Variants in MRTFA observed in about 807,000 individuals in gnomAD.
MRTFA encodes myocardin-related transcription factor A.
Under a neutral mutation model 83.5 loss-of-function variants are expected in MRTFA, and 20 were observed. The ratio of observed to expected loss-of-function variants is 0.24; its 90% CI spans 0.17 to 0.35. The LOEUF (loss-of-function observed/expected upper bound fraction) is 0.35. Ranked by LOEUF, MRTFA falls within the 10% of genes least tolerant of loss-of-function variation. MRTFA has a pLI of 1.00. For missense variants in MRTFA, 1,200 were observed against 1,224.7 expected (o/e 0.98, Z 0.30); for synonymous variants, 659 against 541.2 (o/e 1.22, Z -3.02).
At chr22:40,516,109 T>C (rs1268874906) in intron 3 of MRTFA, among the ~76,000 whole-genome samples, 1 of 152,036 alleles carries the variant, frequency 6.6e-6, no homozygotes, top group South Asian at 2.1e-4. Context: ...TTAGCTGATA[T>C]AAAACTCAGC....
In MRTFA at chr22:40,411,350, G is replaced by T; in HGVS notation, c.*40C>A. The T allele has an allele frequency of 6.6e-7, 1 of 1,524,466 alleles. No homozygotes were observed. Among genetic ancestry groups the T allele is most frequent in the East Asian group, 2.3e-5 (1 of 43,746 alleles). 94.4% of individuals were successfully genotyped at this position (1,524,466 alleles called of 1,614,324 possible). A position where few individuals can be genotyped will look rare whatever the true frequency, so the allele number is the denominator to read the frequency against. ...GGAGAGCCACGCATTGGAGTACCCT[G>T]GCTCCCAGCCCCTTCCCCACCCCGT... On this transcript the variant is annotated 3_prime_UTR_variant, in exon 15 of 15. Coordinates refer to ENST00000355630, the MANE Select transcript of MRTFA (RefSeq NM_020831.6).
At chr22:40,542,528 G>A (rs1421613500) in intron 3 of MRTFA, among the ~76,000 whole-genome samples, 5 of 152,090 alleles carry the variant, frequency 3.3e-5, no homozygotes, top group Non-Finnish European at 7.4e-5. Context: ...AGCACACAGT[G>A]CTAAGTGCTA....
chr22:40,602,070 G>A (rs765168775), intron 1 of MRTFA, among the ~76,000 whole-genome samples: 18 of 152,138 alleles, frequency 1.2e-4, no homozygotes, highest in African/African-American at 3.9e-4. Flanking sequence ...CCCAAAACAA[G>A]AGAATGGTCC....
intron 2 of MRTFA, among the ~76,000 whole-genome samples, chr22:40,570,574 T>TAA (rs2055774518): frequency 1.3e-5 from 1 of 74,122 alleles, no homozygotes; most frequent in African/African-American, 5.2e-5. Context: ...CGAGACTCTG[T>TAA]CTCAAAAAAA....
At chr22:40,586,876 TG>T in intron 2 of MRTFA, 1 of 416,400 alleles carries the variant, frequency 2.4e-6, no homozygotes. Context: ...TCATCTGATT[TG>T]GCCTCTAGTG....
chr22:40,626,866 A>AAC (rs141945541), intron 1 of MRTFA, among the ~76,000 whole-genome samples: 35,842 of 144,872 alleles, frequency 0.25, 4,323 homozygotes, highest in African/African-American at 0.29. Flanking sequence ...CCCTGTCTCA[A>AAC]ACACACACAC....
At chr22:40,546,682 T>C (rs759647530) in intron 3 of MRTFA, among the ~76,000 whole-genome samples, 5 of 152,190 alleles carry the variant, frequency 3.3e-5, no homozygotes, top group Non-Finnish European at 7.3e-5. Context: ...AAGGGAAAGT[T>C]AGAGTTGCTG....
intron 5 of MRTFA, among the ~76,000 whole-genome samples, chr22:40,431,916 A>G (rs2053076396): frequency 6.6e-6 from 1 of 152,200 alleles, no homozygotes; most frequent in Non-Finnish European, 1.5e-5. Flanking sequence ...CAGCGCTGTA[A>G]TCACACTGAA....
chr22:40,459,822 C>CATATACATAT (rs1555973786), intron 4 of MRTFA, among the ~76,000 whole-genome samples: 41 of 68,248 alleles, frequency 6.0e-4, no homozygotes, highest in African/African-American at 2.6e-3. Flanking sequence ...CACACACACA[C>CATATACATAT]ATATATACAT....
chr22:40,586,944 A>G (rs1602465070), intron 2 of MRTFA: 3 of 445,072 alleles, frequency 6.7e-6, no homozygotes, highest in South Asian at 1.6e-5. Flanking sequence ...TGCTGCTGCC[A>G]CCGCCGCCGC....
At chr22:40,483,482 A>G (rs1266009457) in intron 3 of MRTFA, among the ~76,000 whole-genome samples, 3 of 151,372 alleles carry the variant, frequency 2.0e-5, no homozygotes, top group Non-Finnish European at 4.4e-5. Context: ...TCAGGAGATC[A>G]AGACCAACCT....
rs147948625 is a variant in MRTFA, at chr22:40,440,944, T to C, written c.308-5390A>G. On this transcript the variant is annotated intron_variant, in intron 4 of 14. Transcript: ENST00000355630. The stretch of plus-strand genomic sequence containing the variant: ...TGTGTGTCCAACTACGAGGGCTGCA[T>C]TCATCTTAGACTCCATCTCCCCTCT... Among the ~76,000 whole-genome samples, 411 of 152,302 alleles carry C rather than the reference T, an allele frequency of 2.7e-3. 3 individuals carry two copies. Among genetic ancestry groups the C allele is most frequent in the African/African-American group, 9.5e-3 (394 of 41,560 alleles).
intron 2 of MRTFA, among the ~76,000 whole-genome samples, chr22:40,589,993 G>A (rs147201274): frequency 0.018 from 2,757 of 149,604 alleles, 90 homozygotes; most frequent in African/African-American, 0.066. Context: ...CTGCACTCCA[G>A]CCTGGGAGAC....
chr22:40,617,149 GGAAGGAA>G, intron 1 of MRTFA, among the ~76,000 whole-genome samples: 3 of 113,630 alleles, frequency 2.6e-5, no homozygotes, highest in South Asian at 3.3e-4. Context: ...AGAGAAGGAA[GGAAGGAA>G]GGAAGGAGGG....
chr22:40,555,924 C>G (rs1446755855), intron 2 of MRTFA, among the ~76,000 whole-genome samples: 1 of 152,114 alleles, frequency 6.6e-6, no homozygotes, highest in Non-Finnish European at 1.5e-5. Flanking sequence ...CAGGCGTGAG[C>G]CACCATGCCC....
chr22:40,528,563 C>T (rs980321976), intron 3 of MRTFA, among the ~76,000 whole-genome samples: 46 of 151,782 alleles, frequency 3.0e-4, no homozygotes, highest in Non-Finnish European at 5.9e-5. Context: ...CATGGAGAAA[C>T]CCCGTCTCTA....
chr22:40,419,378 C>T lies in MRTFA; in HGVS notation c.1360G>A (p.Glu454Lys). 1 of 1,613,396 alleles carries T rather than the reference C, an allele frequency of 6.2e-7. No individual in the cohort carries two copies. The highest frequency in any genetic ancestry group is 8.5e-7 in the Non-Finnish European group (1 of 1,179,972). The change falls in exon 12 of 15, where the codon GAG becomes AAG. Residue 454 changes from glutamate to lysine, a missense_variant. Coordinates refer to ENST00000355630, the MANE Select transcript of MRTFA (RefSeq NM_020831.6). ...CGCAACTTCAGCTCCTGCTTCAGCT[C>T]TGCCACCTGCAAGGCAGTCAAGAGT...
chr22:40,535,949 CCACT>C (rs1280121949), intron 3 of MRTFA, among the ~76,000 whole-genome samples: 1 of 151,938 alleles, frequency 6.6e-6, no homozygotes, highest in Non-Finnish European at 1.5e-5. Flanking sequence ...AATTCCACAC[CCACT>C]ATCTCACTGG....
At position 40,556,157 on chromosome 22, in the gene MRTFA, G is replaced by A. The variant is rs140840674; in HGVS notation, c.-21-3790C>T. 3.0e-3 allele frequency among the ~76,000 whole-genome samples: 456 copies of A among 152,174 alleles called. 5 individuals carry two copies. The highest frequency in any genetic ancestry group is 0.011 in the African/African-American group (438 of 41,532). On this transcript the variant is annotated intron_variant, in intron 2 of 14. Transcript: ENST00000355630. ...CAAATTTTCTCTAAAATACTTACAT[G>A]GCTTTTATAATAAAAAGACTATAGT...
Sources: gnomAD v4.1 joint callset for allele counts (sites outside exome capture counted in the v4.1 genomes callset) on GRCh38, gnomAD v4.1.1 for gene constraint, MANE v1.5 for transcripts, NCBI Gene and HGNC (gene_info 2026-07-23, HGNC 2026-07-21) for gene names.